SIPA1L3: variants seen among roughly 807,000 people sequenced by gnomAD.
SIPA1L3 encodes signal-induced proliferation-associated 1-like protein 3.
SIPA1L3 carries 59 observed loss-of-function variants against 150.1 expected under a neutral mutation model. The ratio of observed to expected loss-of-function variants is 0.39; its 90% CI spans 0.32 to 0.49. The LOEUF is 0.49. SIPA1L3 is among the 20% of genes least tolerant of loss of function. SIPA1L3 has a pLI of 0.86. For synonymous variants in SIPA1L3, 1,070 were observed against 1,077.6 expected, an observed-to-expected ratio of 0.99 and a Z score of 0.14; for missense variants, 2,211 against 2,489.5, an observed-to-expected ratio of 0.89 and a Z score of 2.38.
chr19:38,193,593 G>T lies in SIPA1L3; in HGVS notation c.4653G>T (p.Gly1551=), dbSNP rs912005814. The T allele has an allele frequency of 1.3e-6, 2 of 1,559,944 alleles. No individual in the cohort carries two copies. Among genetic ancestry groups the T allele is most frequent in the Non-Finnish European group, 8.6e-7 (1 of 1,163,324 alleles). Reference sequence around the variant, plus strand: ...TGTCGGACGAGAGCCTGTGCAGCGGGCGCCGGGAGCCCAGCTTCGCCAGCC... The same window carrying T: ...TGTCGGACGAGAGCCTGTGCAGCGGTCGCCGGGAGCCCAGCTTCGCCAGCC... ...RTLSDESLCS[G]RREPSFASPA... Residue 1551 remains glycine, a synonymous_variant, in exon 18 of 22, where the codon GGG becomes GGT. Transcript: ENST00000222345.
At position 38,207,067 on chromosome 19, in the gene SIPA1L3, G is replaced by A. The variant is rs1390369979; in HGVS notation, c.*827G>A. The A allele has an allele frequency of 1.3e-5, 2 of 152,022 alleles. No homozygotes were observed. Among genetic ancestry groups the A allele is most frequent in the Non-Finnish European group, 2.9e-5 (2 of 68,036 alleles). The allele number at this position is 152,022 out of a possible 1,614,324, so 9.4% of individuals were successfully genotyped here. ...CTAACCAGGCCAGGCCGGGGCGGTG[G>A]AGCCACCACACAGCCGACTCTCTCC... is the stretch of plus-strand genomic sequence containing the variant. On this transcript the variant is annotated 3_prime_UTR_variant, in exon 22 of 22. Transcript: ENST00000222345.
chr19:37,986,368 CTT>C lies in SIPA1L3; in HGVS notation c.-378-42719_-378-42718del, dbSNP rs1376513914. ...TTAACTCGAGGTGAGATGGCTTTCT[CTT>C]TCCTCTAGTTTCTTGTCAACAGTTA... On this transcript the variant is annotated intron_variant, in intron 1 of 21. Coordinates refer to ENST00000222345, the MANE Select transcript of SIPA1L3 (RefSeq NM_015073.3). 2.0e-5 allele frequency among the ~76,000 whole-genome samples: 3 copies of C among 152,314 alleles called. No homozygotes were observed. The South Asian group carries it at 6.2e-4, about 32-fold the overall frequency.
intron 8 of SIPA1L3, among the ~76,000 whole-genome samples, chr19:38,117,984 C>A (rs577253981): frequency 6.6e-6 from 1 of 152,104 alleles, no homozygotes; most frequent in Non-Finnish European, 1.5e-5. Flanking sequence ...GAGTTGCTAT[C>A]AGATTTTGAT....
chr19:38,189,472 G>A (rs937880641), intron 16 of SIPA1L3, among the ~76,000 whole-genome samples: 1 of 151,838 alleles, frequency 6.6e-6, no homozygotes, highest in Non-Finnish European at 1.5e-5. Flanking sequence ...TGTAGAAAGT[G>A]ATGTCATTTT....
intron 1 of SIPA1L3, among the ~76,000 whole-genome samples, chr19:37,978,623 C>T (rs1012432110): frequency 3.3e-5 from 5 of 152,146 alleles, no homozygotes; most frequent in Admixed American, 3.3e-4. Context: ...TGTTTTCTCT[C>T]TCTAGTACTA....
Position 38,142,519 on chromosome 19 carries a change from C to T in SIPA1L3, c.3396-54C>T, listed in dbSNP as rs2304132. 0.42 allele frequency: 648,728 copies of T among 1,543,526 alleles called. 139,781 individuals are homozygous for T. Among genetic ancestry groups the T allele is most frequent in the East Asian group, 0.64 (27,521 of 43,198 alleles). On this transcript the variant is annotated intron_variant, in intron 11 of 21. Coordinates refer to ENST00000222345, the MANE Select transcript of SIPA1L3 (RefSeq NM_015073.3). ...TGTCTGTCCGTCCATCCTCCCAGGGCAGGGGTACCCTCCTACTCACCCTCT... is the reference window on the plus strand; with the variant it reads ...TGTCTGTCCGTCCATCCTCCCAGGGTAGGGGTACCCTCCTACTCACCCTCT...
intron 2 of SIPA1L3, among the ~76,000 whole-genome samples, chr19:38,043,767 T>A (rs1393992853): frequency 1.3e-5 from 2 of 152,210 alleles, no homozygotes; most frequent in Non-Finnish European, 2.9e-5. Context: ...GTGACACACC[T>A]GCTTCAGTGG....
At chr19:37,986,225 G>A (rs770926774) in intron 1 of SIPA1L3, among the ~76,000 whole-genome samples, 5 of 152,170 alleles carry the variant, frequency 3.3e-5, no homozygotes, top group Admixed American at 6.5e-5. Context: ...TTACACCTTG[G>A]GCAAATGCCT....
intron 12 of SIPA1L3, among the ~76,000 whole-genome samples, chr19:38,148,123 C>T (rs567846407): frequency 2.0e-5 from 3 of 151,644 alleles, no homozygotes; most frequent in Non-Finnish European, 4.4e-5. Flanking sequence ...GAGGCTGAGG[C>T]GGGTGGATCA....
chr19:38,006,409 C>A (rs930485884), intron 1 of SIPA1L3, among the ~76,000 whole-genome samples: 1 of 151,630 alleles, frequency 6.6e-6, no homozygotes, highest in East Asian at 1.9e-4. Flanking sequence ...GAGTGGGGCA[C>A]GTTAAGAGAG....
intron 2 of SIPA1L3, among the ~76,000 whole-genome samples, chr19:38,079,805 C>A (rs538545632): frequency 6.9e-4 from 105 of 152,334 alleles, no homozygotes; most frequent in African/African-American, 2.3e-3. Context: ...ATCCACCCGC[C>A]TTGGCCTCCC....
Position 38,206,117 on chromosome 19 carries a change from G to C in SIPA1L3, c.5223G>C (p.Val1741=). The change falls in exon 22 of 22, where the codon GTG becomes GTC. Residue 1741 remains valine (V), a synonymous_variant. Transcript: ENST00000222345. ...TGCAGGAGAAGCAGGACAAGGTGGT[G>C]CTCCAGTCAGAGGTGGCCAGCCTGC... ...DLQKEKQDKV[V]LQSEVASLRQ... is the part of the protein sequence containing the mutation. The C allele has an allele frequency of 1.3e-6, 2 of 1,549,934 alleles. No individual in the cohort carries two copies. Among genetic ancestry groups the C allele is most frequent in the Non-Finnish European group, 8.7e-7 (1 of 1,146,224 alleles).
intron 18 of SIPA1L3, 29 bp downstream of exon 18, chr19:38,193,809 G>T: frequency 6.6e-7 from 1 of 1,525,726 alleles, no homozygotes; most frequent in East Asian, 2.4e-5. Context: ...GGACTGGCGC[G>T]GTAGTTACCC....
chr19:38,169,346 G>A (rs913125092), intron 15 of SIPA1L3, among the ~76,000 whole-genome samples: 7 of 151,992 alleles, frequency 4.6e-5, no homozygotes, highest in Non-Finnish European at 7.4e-5. Context: ...CCGAGATCAC[G>A]CCATTGCACT....
chr19:38,173,194 G>A (rs1265598468), intron 15 of SIPA1L3, among the ~76,000 whole-genome samples: 1 of 152,262 alleles, frequency 6.6e-6, no homozygotes, highest in African/African-American at 2.4e-5. Flanking sequence ...GCAGGGGGAG[G>A]ATGGTGGTCA....
rs746053888 is a variant in SIPA1L3, at chr19:37,956,815, G to A, written c.-379+49457G>A. Among the ~76,000 whole-genome samples the A allele has an allele frequency of 7.2e-5, 11 of 152,108 alleles. No homozygotes were observed. The South Asian group carries it at 1.2e-3, about 17-fold the overall frequency. ...AAAAGTTTTTAATTTTGGAAATTCC[G>A]TTTATCAATTAGTCTTTTATGGATT... is the stretch of plus-strand genomic sequence containing the variant. On this transcript the variant is annotated intron_variant, in intron 1 of 21. Transcript: ENST00000222345.
intron 2 of SIPA1L3, among the ~76,000 whole-genome samples, chr19:38,037,742 A>G (rs1016772759): frequency 6.6e-6 from 1 of 152,140 alleles, no homozygotes. Flanking sequence ...AAAACTGCTG[A>G]CCAGTAAATA....
intron 2 of SIPA1L3, among the ~76,000 whole-genome samples, chr19:38,065,053 G>T (rs1045137949): frequency 6.6e-6 from 1 of 152,204 alleles, no homozygotes; most frequent in Admixed American, 6.5e-5. Flanking sequence ...CTACGCAGGC[G>T]TGTAATCATA....
intron 1 of SIPA1L3, among the ~76,000 whole-genome samples, chr19:37,993,768 C>T (rs948612344): frequency 6.6e-6 from 1 of 152,150 alleles, no homozygotes. Flanking sequence ...TGTCTTGCCA[C>T]GGGGACAGGT....
Sources: gnomAD v4.1 joint callset for allele counts (sites outside exome capture counted in the v4.1 genomes callset) on GRCh38, gnomAD v4.1.1 for gene constraint, MANE v1.5 for transcripts, NCBI Gene and HGNC (gene_info 2026-07-23, HGNC 2026-07-21) for gene names.